FHOD3: variants seen among roughly 807,000 people sequenced by gnomAD.
The protein encoded by FHOD3 is FH1/FH2 domain-containing protein 3.
Under a neutral mutation model 173.0 loss-of-function variants are expected in FHOD3, and 90 were observed. The observed-to-expected ratio is 0.52, with a 90% CI of 0.44 to 0.62. The LOEUF is 0.62. Ranked by LOEUF, FHOD3 falls within the 20% of genes least tolerant of loss-of-function variation. The probability of loss-of-function intolerance (pLI) is 0.00; values close to 1 mark genes in which losing one functional copy is unlikely to be tolerated. For synonymous variants in FHOD3, 828 were observed against 823.0 expected (o/e 1.01, Z -0.10); for missense variants, 1,945 against 2,034.7 (o/e 0.96, Z 0.85).
At chr18:36,529,500 T>A (rs1390180664) in intron 5 of FHOD3, among the ~76,000 whole-genome samples, 2 of 152,124 alleles carry the variant, frequency 1.3e-5, no homozygotes, top group Non-Finnish European at 2.9e-5. Flanking sequence ...GATTTTTTTT[T>A]ATATATATGT....
At chr18:36,672,626 A>G (rs2037605703) in intron 14 of FHOD3, among the ~76,000 whole-genome samples, 1 of 152,226 alleles carries the variant, frequency 6.6e-6, no homozygotes. Context: ...TCTGATTGCT[A>G]CATTGGCCAA....
intron 3 of FHOD3, among the ~76,000 whole-genome samples, chr18:36,392,782 G>A (rs887704235): frequency 3.3e-5 from 5 of 152,216 alleles, no homozygotes; most frequent in African/African-American, 1.2e-4. Flanking sequence ...GATGGGAAAG[G>A]AGGTTTTAAT....
At chr18:36,736,061 C>T (rs920005900) in intron 20 of FHOD3, among the ~76,000 whole-genome samples, 18 of 152,238 alleles carry the variant, frequency 1.2e-4, no homozygotes, top group African/African-American at 4.8e-5. Context: ...GACCCCTTCA[C>T]GGGCCTTGTG....
rs144105691 is a variant in FHOD3, at chr18:36,369,589, T to G, written c.273-3091T>G. 4.0e-3 allele frequency among the ~76,000 whole-genome samples: 601 copies of G among 149,406 alleles called. 5 individuals are homozygous for G. Among genetic ancestry groups the G allele is most frequent in the African/African-American group, 0.014 (576 of 40,424 alleles). On this transcript the variant is annotated intron_variant, in intron 2 of 28. Coordinates refer to ENST00000590592, the MANE Select transcript of FHOD3 (RefSeq NM_001281740.3). The stretch of plus-strand genomic sequence containing the variant: ...GGTTTTCCTAAGAAGTCAAGAAGAC[T>G]TACGTATATGTGTATATATAATATA...
chr18:36,472,525 C>T (rs2053339514), intron 3 of FHOD3, among the ~76,000 whole-genome samples: 1 of 152,090 alleles, frequency 6.6e-6, no homozygotes, highest in Non-Finnish European at 1.5e-5. Context: ...TTTTCATCAC[C>T]CCAAATAAAA....
chr18:36,714,076 G>T (rs1388139518), intron 18 of FHOD3, among the ~76,000 whole-genome samples: 1 of 152,118 alleles, frequency 6.6e-6, no homozygotes, highest in African/African-American at 2.4e-5. Context: ...GTTGAGAAAA[G>T]ATATATTATG....
intron 27 of FHOD3, among the ~76,000 whole-genome samples, chr18:36,765,978 C>G (rs983208134): frequency 2.0e-5 from 3 of 151,846 alleles, no homozygotes; most frequent in African/African-American, 4.8e-5. Context: ...ATTTAAGAAA[C>G]TTAGGAAATC....
intron 5 of FHOD3, among the ~76,000 whole-genome samples, chr18:36,550,076 T>C (rs1328630088): frequency 6.6e-6 from 1 of 151,842 alleles, no homozygotes; most frequent in African/African-American, 2.4e-5. Flanking sequence ...TTCTTCTATC[T>C]TTTATTAGCG....
intron 14 of FHOD3, among the ~76,000 whole-genome samples, chr18:36,668,934 C>G (rs1479585187): frequency 6.6e-6 from 1 of 151,904 alleles, no homozygotes; most frequent in Non-Finnish European, 1.5e-5. Context: ...ACTGTGTAAA[C>G]TTGAAAAGAA....
intron 3 of FHOD3, among the ~76,000 whole-genome samples, chr18:36,477,977 G>A (rs1171506936): frequency 6.6e-6 from 1 of 152,190 alleles, no homozygotes. Context: ...TCAACAGGTG[G>A]GCAGGATTTT....
intron 1 of FHOD3, among the ~76,000 whole-genome samples, chr18:36,344,727 C>G (rs1221158779): frequency 6.6e-6 from 1 of 152,018 alleles, no homozygotes; most frequent in Non-Finnish European, 1.5e-5. Flanking sequence ...AATTAACAGT[C>G]TTTGATATAT....
At chr18:36,312,377 C>G (rs1027908159) in intron 1 of FHOD3, among the ~76,000 whole-genome samples, 54 of 152,164 alleles carry the variant, frequency 3.5e-4, no homozygotes, top group African/African-American at 1.2e-3. Flanking sequence ...TTTCTGACGA[C>G]CCCCTAGAGC....
chr18:36,396,435 G>T (rs927515182), intron 3 of FHOD3, among the ~76,000 whole-genome samples: 3 of 151,828 alleles, frequency 2.0e-5, no homozygotes, highest in Non-Finnish European at 2.9e-5. Flanking sequence ...ATTTCTTTTT[G>T]ATTTGAAAAA....
chr18:36,309,955 A>G (rs2036414442), intron 1 of FHOD3, among the ~76,000 whole-genome samples: 1 of 152,218 alleles, frequency 6.6e-6, no homozygotes, highest in African/African-American at 2.4e-5. Context: ...AAGGTGAGAA[A>G]ATGAAAATCA....
At chr18:36,729,379 C>T (rs564326840) in intron 19 of FHOD3, among the ~76,000 whole-genome samples, 1 of 152,336 alleles carries the variant, frequency 6.6e-6, no homozygotes, top group South Asian at 2.1e-4. Flanking sequence ...AGCTGGGGGC[C>T]TTGTGGTCAC....
chr18:36,730,892 G>T (rs927884652), intron 20 of FHOD3, 88 bp downstream of exon 20: 3 of 1,390,048 alleles, frequency 2.2e-6, no homozygotes, highest in Non-Finnish European at 3.0e-6. Context: ...AAAGATCCAT[G>T]GTGCCTTTCT....
chr18:36,725,286 G>T (rs568828717), intron 19 of FHOD3, among the ~76,000 whole-genome samples: 70 of 152,310 alleles, frequency 4.6e-4, no homozygotes, highest in Non-Finnish European at 7.6e-4. Flanking sequence ...GCTGACCATG[G>T]GTGTTGGGGG....
chr18:36,541,361 T>G (rs1315062042), intron 5 of FHOD3, among the ~76,000 whole-genome samples: 1 of 151,896 alleles, frequency 6.6e-6, no homozygotes, highest in Non-Finnish European at 1.5e-5. Context: ...GGAGGATTTC[T>G]TGGGGCTAAG....
chr18:36,541,346 A>G (rs954553508), intron 5 of FHOD3, among the ~76,000 whole-genome samples: 31 of 152,012 alleles, frequency 2.0e-4, no homozygotes, highest in Admixed American at 1.3e-3. Flanking sequence ...TCAGAGGCCA[A>G]GATGGGAGGA....
Sources: allele counts gnomAD v4.1 joint callset (sites outside exome capture counted in the v4.1 genomes callset), GRCh38; gene constraint gnomAD v4.1.1; transcripts MANE v1.5; gene names NCBI Gene and HGNC (gene_info 2026-07-23, HGNC 2026-07-21).